Variants in RAI1 observed in about 807,000 individuals in gnomAD.
RAI1 encodes retinoic acid induced 1, also known as retinoic acid-induced protein 1.
RAI1 carries 9 observed loss-of-function variants against 123.8 expected under a neutral mutation model. The observed-to-expected ratio is 0.07, with a 90% confidence interval of 0.04 to 0.13. The LOEUF (loss-of-function observed/expected upper bound fraction) is 0.13. Ranked by LOEUF, RAI1 falls within the 10% of genes least tolerant of loss-of-function variation. The pLI is 1.00. For synonymous variants in RAI1, 1,231 were observed against 1,127.3 expected (o/e 1.09, Z -1.84); for missense variants, 2,256 against 2,545.8 (o/e 0.89, Z 2.45).
chr17:17,737,488 C>G (rs1174643002), intron 2 of RAI1, among the ~76,000 whole-genome samples: 1 of 152,202 alleles, frequency 6.6e-6, no homozygotes, highest in Non-Finnish European at 1.5e-5. Flanking sequence ...CAGTCTTACT[C>G]TTGGGGTCCC....
chr17:17,780,790 G>A (rs1477586436), intron 2 of RAI1, among the ~76,000 whole-genome samples: 2 of 152,206 alleles, frequency 1.3e-5, no homozygotes, highest in African/African-American at 4.8e-5. Context: ...CATGCCCAGT[G>A]TCTAGCTGGC....
At chr17:17,724,726 C>T (rs2142933191) in intron 2 of RAI1, among the ~76,000 whole-genome samples, 1 of 152,264 alleles carries the variant, frequency 6.6e-6, no homozygotes, top group South Asian at 2.1e-4. Context: ...GACTCGGCGC[C>T]CCTGACGCCT....
intron 1 of RAI1, among the ~76,000 whole-genome samples, chr17:17,701,123 A>T (rs781755699): frequency 1.3e-5 from 2 of 151,880 alleles, no homozygotes; most frequent in African/African-American, 2.4e-5. Flanking sequence ...TCCTCCTGGG[A>T]TGGGATTGGG....
intron 1 of RAI1, among the ~76,000 whole-genome samples, chr17:17,699,427 G>A (rs1915140988): frequency 6.6e-6 from 1 of 152,210 alleles, no homozygotes; most frequent in Non-Finnish European, 1.5e-5. Flanking sequence ...TGAAGAATTA[G>A]TCCCCTATTT....
At position 17,809,730 on chromosome 17, in the gene RAI1, T is replaced by C. The variant is rs1421288520; in HGVS notation, c.5710-240T>C. ...CCTCCCTGCAGCTCCCCAAGATAGG[T>C]GACAGAGTGGGGCAGGCGGGGGCGC... is the stretch of plus-strand genomic sequence containing the variant. On this transcript the variant is annotated intron_variant, in intron 5 of 5. Transcript: ENST00000353383. This position sits in a 1 kb window ranked among gnomAD's most constrained non-coding sequence, Gnocchi z 4.9. Among the ~76,000 whole-genome samples the C allele has an allele frequency of 6.6e-6, 1 of 151,688 alleles. No homozygotes were observed. The highest frequency in any genetic ancestry group is 1.5e-5 in the Non-Finnish European group (1 of 67,852).
chr17:17,797,198 A>C lies in RAI1; in HGVS notation c.4250A>C (p.Lys1417Thr). The change falls in exon 3 of 6, where the codon AAA (lysine) becomes ACA (threonine). Residue 1417 changes from lysine to threonine, a missense_variant. By Grantham distance (78) the Lys-to-Thr change is moderately conservative. Around this residue, in one of 7 missense-constraint regions of RAI1, gnomAD observed 410 missense variants for 374.6 expected, o/e 1.09. Transcript: ENST00000353383. ...SLKGKLMNSK[K>T]LSSTDCFKTE... ...AAAGGCAAACTCATGAACAGTAAGA[A>C]ACTGTCTTCTACTGACTGTTTCAAA... 6.2e-7 allele frequency: 1 copy of C among 1,613,850 alleles called. No individual in the cohort carries two copies. The highest frequency in any genetic ancestry group is 8.5e-7 in the Non-Finnish European group (1 of 1,180,028).
intron 1 of RAI1, among the ~76,000 whole-genome samples, chr17:17,688,642 C>T (rs978006579): frequency 8.5e-5 from 13 of 152,118 alleles, no homozygotes; most frequent in African/African-American, 3.1e-4. Context: ...GTCGCCCAGG[C>T]TGGAGTTCAG....
chr17:17,777,130 C>A (rs569792974), intron 2 of RAI1: 3 of 152,298 alleles, frequency 2.0e-5, no homozygotes, highest in African/African-American at 7.2e-5. Context: ...TTTGCTGCTG[C>A]AAAGGACATT....
At position 17,793,787 on chromosome 17, in the gene RAI1, AGCAGCAGCAGCAG is replaced by A. The variant is rs773911923; in HGVS notation, c.840_852del (p.Gln280HisfsTer80). The A allele has an allele frequency of 1.5e-4, 223 of 1,515,548 alleles. 3 individuals are homozygous for A. The South Asian group carries it at 1.6e-3, about 11-fold the overall frequency. The allele number at this position is 1,515,548 out of a possible 1,614,324, so 93.9% of individuals were successfully genotyped here. On this transcript the variant is annotated frameshift_variant, in exon 3 of 6. Transcript: ENST00000353383. LOFTEE classifies it high-confidence loss of function. ...GGCCGCCTCAGCTATGACCAGCAGCAGCAGCAGCAGCAGCAGCAGCAGCAGCAGCAGCAAGCCC... is the reference window on the plus strand; with the variant it reads ...GGCCGCCTCAGCTATGACCAGCAGCACAGCAGCAGCAGCAGCAGCAAGCCC...
At chr17:17,806,602 T>C (rs2032598411) in intron 4 of RAI1, among the ~76,000 whole-genome samples, 1 of 152,196 alleles carries the variant, frequency 6.6e-6, no homozygotes, top group African/African-American at 2.4e-5. Context: ...CCTTCATTAG[T>C]TCTCAAAAGG....
chr17:17,715,110 T>C (rs570674036), intron 1 of RAI1, among the ~76,000 whole-genome samples: 2 of 152,294 alleles, frequency 1.3e-5, no homozygotes, highest in Admixed American at 6.5e-5. Flanking sequence ...GGAATTGCAC[T>C]GGGGGTGAGC....
Position 17,800,702 on chromosome 17 carries a change from G to T in RAI1, c.5565+2189G>T, listed in dbSNP as rs557817059. Reference sequence around the variant, plus strand: ...TGGCCTGACAGCCTGCGCAACTAGGGCTGCCCCGGGAAGGTCGGAACCAGG... The same window carrying T: ...TGGCCTGACAGCCTGCGCAACTAGGTCTGCCCCGGGAAGGTCGGAACCAGG... On this transcript the variant is annotated intron_variant, in intron 3 of 5. Coordinates refer to ENST00000353383, the MANE Select transcript of RAI1 (RefSeq NM_030665.4). The surrounding 1 kb of genome is among the most constrained non-coding windows in gnomAD (Gnocchi z 4.7). Among the ~76,000 whole-genome samples the T allele has an allele frequency of 3.3e-5, 5 of 152,362 alleles. No homozygotes were observed. In the East Asian group the frequency reaches 5.8e-4, roughly 18 times the overall value.
chr17:17,757,616 T>A (rs2030491497), intron 2 of RAI1, among the ~76,000 whole-genome samples: 1 of 152,148 alleles, frequency 6.6e-6, no homozygotes, highest in Admixed American at 6.5e-5. Context: ...GGATTTTTTT[T>A]TCCCACAACT....
intron 1 of RAI1, among the ~76,000 whole-genome samples, chr17:17,689,541 G>A (rs1468577300): frequency 1.3e-5 from 2 of 152,152 alleles, no homozygotes; most frequent in East Asian, 1.9e-4. Flanking sequence ...TCATTCATTC[G>A]TTCATTTATA....
intron 2 of RAI1, chr17:17,777,092 T>C (rs1482905545): frequency 6.6e-6 from 1 of 152,156 alleles, no homozygotes; most frequent in Non-Finnish European, 1.5e-5. Flanking sequence ...CTCATCCCCC[T>C]TGGATGGACA....
Position 17,797,839 on chromosome 17 carries a change from G to A in RAI1, c.4891G>A (p.Ala1631Thr). 1 of 1,613,938 alleles carries A rather than the reference G, an allele frequency of 6.2e-7. No individual in the cohort carries two copies. Among genetic ancestry groups the A allele is most frequent in the Non-Finnish European group, 8.5e-7 (1 of 1,179,994 alleles). Residue 1631 changes from alanine to threonine, a missense_variant, in exon 3 of 6, where the codon GCC becomes ACC. By Grantham distance (58) the Ala-to-Thr change is moderately conservative (BLOSUM62 0). This residue lies in a region of RAI1 where 410 missense variants were observed against 374.6 expected (regional missense o/e 1.09). Transcript: ENST00000353383. The stretch of plus-strand genomic sequence containing the variant: ...GCCCCACAGGAAGCCTTCCTCCTCT[G>A]CCTCCTCTTCCTCATCCTCGTCCTC... ...PKPHRKPSSS[A>T]SSSSSSSSFS...
intron 2 of RAI1, among the ~76,000 whole-genome samples, chr17:17,787,902 A>G (rs2031881162): frequency 6.6e-6 from 1 of 152,048 alleles, no homozygotes; most frequent in Non-Finnish European, 1.5e-5. Flanking sequence ...CCTGGAGGAG[A>G]TGGTGTTGGG....
chr17:17,712,854 A>C (rs1048059109), intron 1 of RAI1, among the ~76,000 whole-genome samples: 7 of 152,164 alleles, frequency 4.6e-5, no homozygotes, highest in Non-Finnish European at 7.3e-5. Flanking sequence ...ATAGGATTAG[A>C]AAATTGTACA....
chr17:17,732,616 GCTCCTGGCACA>G (rs2142951412), intron 2 of RAI1, among the ~76,000 whole-genome samples: 1 of 152,206 alleles, frequency 6.6e-6, no homozygotes, highest in South Asian at 2.1e-4. Flanking sequence ...CATGCCAGGA[GCTCCTGGCACA>G]CTCCTTTCAT....
Sources: gnomAD v4.1 joint callset for allele counts (sites outside exome capture counted in the v4.1 genomes callset) on GRCh38, gnomAD v4.1.1 for gene constraint, gnomAD v4.1.1 regional missense constraint, Gnocchi (gnomAD v3.1) non-coding constraint, MANE v1.5 for transcripts, NCBI Gene and HGNC (gene_info 2026-07-23, HGNC 2026-07-21) for gene names.